CSNK1E: variants seen among roughly 807,000 people sequenced by gnomAD.
The protein encoded by CSNK1E is casein kinase I isoform epsilon.
CSNK1E carries 17 observed loss-of-function variants against 46.1 expected under a neutral mutation model. That is an observed-to-expected ratio of 0.37 (90% CI 0.25 to 0.55). The LOEUF (loss-of-function observed/expected upper bound fraction) is 0.55. Among genes scored for constraint, CSNK1E ranks in the 20% least tolerant of loss-of-function variants. The pLI is 0.82. For synonymous variants in CSNK1E, 241 were observed against 242.6 expected (o/e 0.99, Z 0.06); for missense variants, 386 against 595.4 (o/e 0.65, Z 3.66).
chr22:38,314,734 A>AG (rs764291785), intron 1 of CSNK1E, among the ~76,000 whole-genome samples: 84 of 152,156 alleles, frequency 5.5e-4, no homozygotes, highest in Non-Finnish European at 7.2e-4. Flanking sequence ...CTTTAAGACT[A>AG]GGAGGGTCTC....
In CSNK1E at chr22:38,317,383, T is replaced by A; in HGVS notation, c.-236A>T. The A allele has an allele frequency of 2.1e-5, 2 of 93,612 alleles. No homozygotes were observed. The highest frequency in any genetic ancestry group is 4.5e-5 in the Non-Finnish European group (2 of 44,812). The allele number at this position is 93,612 out of a possible 1,614,324, so 5.8% of individuals were successfully genotyped here. ...GCCGCCGCCGCCGCCGCCTCCCTCC[T>A]CCCGGCCTCCTGCCCGCCCGCCCGC... is the stretch of plus-strand genomic sequence containing the variant. On this transcript the variant is annotated 5_prime_UTR_variant, in exon 1 of 11. Coordinates refer to ENST00000396832, the MANE Select transcript of CSNK1E (RefSeq NM_152221.3).
intron 7 of CSNK1E, chr22:38,297,848 G>GCCTGGCCCCGATGGGCTCAGGCACA: frequency 9.8e-7 from 1 of 1,015,656 alleles, no homozygotes; most frequent in African/African-American, 1.7e-5. Context: ...ACTTCCTCAG[G>GCCTGGCCCCGATGGGCTCAGGCACA]CCTGGCCCCG....
At chr22:38,296,193 AAC>A (rs1224504864) in intron 7 of CSNK1E, 1 of 1,020,586 alleles carries the variant, frequency 9.8e-7, no homozygotes, top group East Asian at 1.0e-4. Flanking sequence ...GGACGCAAGA[AAC>A]ACACAGCAGG....
At chr22:38,306,096 T>C (rs548901645) in intron 2 of CSNK1E, among the ~76,000 whole-genome samples, 1 of 152,220 alleles carries the variant, frequency 6.6e-6, no homozygotes, top group African/African-American at 2.4e-5. Flanking sequence ...TGCACACAAG[T>C]GGAAAGATCT....
chr22:38,313,216 T>A lies in CSNK1E; in HGVS notation c.76+866A>T, dbSNP rs930304212. On this transcript the variant is annotated intron_variant, in intron 2 of 10. Transcript: ENST00000396832. ...TGCACTGGACAGAGCTGATTTTCAT[T>A]TTCCAAGGAGGGTAACCAAGGCACA... Among the ~76,000 whole-genome samples, 5 of 152,114 alleles carry A rather than the reference T, an allele frequency of 3.3e-5. No individual in the cohort carries two copies. The South Asian group carries it at 1.0e-3, about 32-fold the overall frequency.
chr22:38,293,550 C>A (rs951947832), intron 9 of CSNK1E, among the ~76,000 whole-genome samples: 1 of 151,546 alleles, frequency 6.6e-6, no homozygotes, highest in African/African-American at 2.4e-5. Context: ...GGGAGGCAAA[C>A]CTGCTACCTA....
chr22:38,293,273 A>G lies in CSNK1E; in HGVS notation c.*14T>C, dbSNP rs55755354. ...GACTCACCTAAGCAAACACTGGTCC[A>G]ATGGGGGCTCTCCTCACTTCCCGAG... On this transcript the variant is annotated 3_prime_UTR_variant, in exon 10 of 11. Transcript: ENST00000396832. 2.9e-4 allele frequency: 464 copies of G among 1,613,096 alleles called. 1 individual carries two copies. Among genetic ancestry groups the G allele is most frequent in the Non-Finnish European group, 3.5e-4 (417 of 1,179,766 alleles).
At chr22:38,295,831 C>T (rs552545818) in intron 7 of CSNK1E, among the ~76,000 whole-genome samples, 2 of 152,222 alleles carry the variant, frequency 1.3e-5, no homozygotes, top group African/African-American at 4.8e-5. Context: ...CTGGGACCAC[C>T]GGGGCTCTAA....
chr22:38,304,483 C>T (rs1569079908), intron 2 of CSNK1E, among the ~76,000 whole-genome samples: 2 of 152,134 alleles, frequency 1.3e-5, no homozygotes, highest in Non-Finnish European at 2.9e-5. Flanking sequence ...CCCAAGCAAC[C>T]CCACTCCTGA....
intron 7 of CSNK1E, chr22:38,296,521 T>C: frequency 6.3e-7 from 1 of 1,599,476 alleles, no homozygotes; most frequent in Non-Finnish European, 8.5e-7. Context: ...AGGGGACTGC[T>C]GGAGGTGGTT....
intron 4 of CSNK1E, among the ~76,000 whole-genome samples, chr22:38,302,437 G>T (rs769837427): frequency 2.6e-5 from 4 of 152,202 alleles, no homozygotes; most frequent in Non-Finnish European, 4.4e-5. Flanking sequence ...AGTTGGGCCT[G>T]AAATCACATT....
At chr22:38,296,793 C>T (rs1434322772) in intron 7 of CSNK1E, 3 of 1,400,084 alleles carry the variant, frequency 2.1e-6, no homozygotes, top group African/African-American at 1.4e-5. Flanking sequence ...GGAAATGGTC[C>T]CATCTGCCTT....
At chr22:38,296,224 T>C (rs138711638) in intron 7 of CSNK1E, 12,770 of 1,072,724 alleles carry the variant, frequency 0.012, 95 homozygotes, top group Non-Finnish European at 0.013. Context: ...TTGGCCTTTA[T>C]TGCCCATAGA....
chr22:38,310,141 C>T (rs888091675), intron 2 of CSNK1E, among the ~76,000 whole-genome samples: 6 of 152,174 alleles, frequency 3.9e-5, no homozygotes, highest in Non-Finnish European at 8.8e-5. Context: ...GGCTTCCTGG[C>T]AGAGGCTGTG....
intron 2 of CSNK1E, among the ~76,000 whole-genome samples, chr22:38,312,689 C>A (rs1215824049): frequency 6.6e-6 from 1 of 152,166 alleles, no homozygotes; most frequent in African/African-American, 2.4e-5. Flanking sequence ...TTAGAGTTTA[C>A]AAAATACTTT....
At chr22:38,314,025 T>C in intron 2 of CSNK1E, 57 bp downstream of exon 2, 1 of 1,480,780 alleles carries the variant, frequency 6.8e-7, no homozygotes, top group Non-Finnish European at 9.4e-7. Flanking sequence ...GGGTCTTTCC[T>C]CCTCTTGGTC....
intron 2 of CSNK1E, among the ~76,000 whole-genome samples, chr22:38,310,807 G>A (rs1277388234): frequency 2.0e-5 from 3 of 152,246 alleles, no homozygotes; most frequent in African/African-American, 7.2e-5. Context: ...GGAAAGCAGG[G>A]CTTGGAGGAC....
chr22:38,294,533 C>T lies in CSNK1E; in HGVS notation c.887G>A (p.Gly296Asp). The T allele has an allele frequency of 1.3e-6, 2 of 1,584,274 alleles. No individual in the cohort carries two copies. Among genetic ancestry groups the T allele is most frequent in the Non-Finnish European group, 1.7e-6 (2 of 1,166,382 alleles). Residue 296 changes from glycine (G) to aspartate (D), a missense_variant and splice_region_variant, in exon 8 of 11, where the codon GGT (glycine) becomes GAT (aspartate). By Grantham distance (94) the Gly-to-Asp change is moderately conservative (BLOSUM62 -1). Coordinates refer to ENST00000396832, the MANE Select transcript of CSNK1E (RefSeq NM_152221.3). This position sits in a 1 kb window ranked among gnomAD's most constrained non-coding sequence, Gnocchi z 5.5. Reference protein sequence around the residue: ...YVFDWNMLKFGAARNPEDVDR... With the variant: ...YVFDWNMLKFDAARNPEDVDR... ...CACATCCTCGGGATTCCGGGCTGCA[C>T]CCTGCAGGGATGCAAGAAAAGACAC... is the stretch of plus-strand genomic sequence containing the variant.
intron 7 of CSNK1E, chr22:38,297,529 G>A (rs1310804831): frequency 3.0e-6 from 3 of 1,012,278 alleles, no homozygotes; most frequent in Non-Finnish European, 3.6e-6. Flanking sequence ...TTGGCTTCCA[G>A]GAGAACAGAG....
Sources: gnomAD v4.1 joint callset for allele counts (sites outside exome capture counted in the v4.1 genomes callset) on GRCh38, gnomAD v4.1.1 for gene constraint, Gnocchi (gnomAD v3.1) non-coding constraint, MANE v1.5 for transcripts, NCBI Gene and HGNC (gene_info 2026-07-23, HGNC 2026-07-21) for gene names.